Variants in ZNF469 observed in about 807,000 individuals in gnomAD.
ZNF469 encodes zinc finger protein 469.
A neutral mutation model predicts 1.0 loss-of-function variants in ZNF469; 1 was observed. The ratio of observed to expected loss-of-function variants is 1.00; its 90% CI spans 0.35 to 4.73. The LOEUF (loss-of-function observed/expected upper bound fraction) is 4.73, where lower values mean the gene tolerates loss of function less well. ZNF469 is among the 30% of genes most tolerant of loss of function. The probability of loss-of-function intolerance (pLI) is 0.16; values close to 1 mark genes in which losing one functional copy is unlikely to be tolerated. For synonymous variants in ZNF469, 2,703 were observed against 2,363.4 expected (o/e 1.14, Z -4.17); for missense variants, 6,100 against 5,356.3 (o/e 1.14, Z -4.33).
the ZNF469 span, among the ~76,000 whole-genome samples, chr16:88,111,529 C>A: frequency 3.3e-4 from 51 of 152,334 alleles, no homozygotes; most frequent in East Asian, 4.0e-3. Context: ...ACATCCCCCC[C>A]ACTTCCCTTC....
chr16:88,415,151 G>A (rs1253286110), intron 1 of ZNF469, among the ~76,000 whole-genome samples: 1 of 152,204 alleles, frequency 6.6e-6, no homozygotes, highest in East Asian at 1.9e-4. Flanking sequence ...CCACCTTGTG[G>A]GGCCTTGAGA....
chr16:88,122,293 GAT>G, the ZNF469 span, among the ~76,000 whole-genome samples: 14 of 149,484 alleles, frequency 9.4e-5, no homozygotes, highest in African/African-American at 3.0e-4. Flanking sequence ...CTACGGCCAC[GAT>G]GGCCCCTTGG....
the ZNF469 span, among the ~76,000 whole-genome samples, chr16:88,192,706 G>GTGT: frequency 1.1e-4 from 17 of 150,886 alleles, no homozygotes; most frequent in South Asian, 4.2e-4. Flanking sequence ...GGTGATAAAG[G>GTGT]TGATAATGGT....
At chr16:88,188,083 C>T in the ZNF469 span, among the ~76,000 whole-genome samples, 20 of 152,230 alleles carry the variant, frequency 1.3e-4, no homozygotes, top group African/African-American at 4.6e-4. Flanking sequence ...AGCTGATTCA[C>T]GCAGTTTCCA....
At chr16:88,370,987 G>A in the ZNF469 span, among the ~76,000 whole-genome samples, 3 of 152,246 alleles carry the variant, frequency 2.0e-5, no homozygotes, top group Non-Finnish European at 2.9e-5. Context: ...CATTCCTGTC[G>A]TCCAGCTCAC....
At chr16:88,422,441 TGGGTG>T (rs1905500670) in intron 1 of ZNF469, among the ~76,000 whole-genome samples, 1 of 76,596 alleles carries the variant, frequency 1.3e-5, no homozygotes, top group Admixed American at 1.7e-4. Flanking sequence ...GATGGGTGGG[TGGGTG>T]GATGGATGGG....
At chr16:88,205,112 C>A in the ZNF469 span, among the ~76,000 whole-genome samples, 1 of 152,178 alleles carries the variant, frequency 6.6e-6, no homozygotes, top group African/African-American at 2.4e-5. This position sits in a 1 kb window ranked among gnomAD's most constrained non-coding sequence, Gnocchi z 4.2. Context: ...CCCTGTACCC[C>A]AATATTTCAC....
Position 88,437,254 on chromosome 16 carries a change from G to T in ZNF469, c.9784G>T (p.Ala3262Ser), listed in dbSNP as rs886052418. Reference protein sequence around the residue: ...PGDPWGQEGEAKKDSPGERAK... With the variant: ...PGDPWGQEGESKKDSPGERAK... ...AGACCCGTGGGGGCAAGAGGGAGAA[G>T]CCAAGAAAGACAGCCCGGGCGAGAG... Residue 3262 changes from alanine (A) to serine (S), a missense_variant, in exon 3 of 3, where the codon GCC (alanine) becomes TCC (serine). Ala to Ser is a moderately conservative substitution (Grantham distance 99, BLOSUM62 1). Transcript: ENST00000565624. 165 of 1,548,888 alleles carry T rather than the reference G, an allele frequency of 1.1e-4. No individual in the cohort carries two copies. The East Asian group carries it at 4.0e-3, about 38-fold the overall frequency.
chr16:88,230,253 G>A, the ZNF469 span, among the ~76,000 whole-genome samples: 28 of 152,266 alleles, frequency 1.8e-4, no homozygotes, highest in South Asian at 4.1e-4. Flanking sequence ...TTCAGCTGGA[G>A]CCTGGAAACA....
the ZNF469 span, among the ~76,000 whole-genome samples, chr16:88,324,087 G>A: frequency 5.4e-3 from 815 of 152,326 alleles, 4 homozygotes; most frequent in Admixed American, 1.0e-2. Flanking sequence ...GAGATCCGCC[G>A]CAAAAATGGC....
rs114884145 is a variant in ZNF469, at chr16:88,436,164, C to T, written c.8694C>T (p.Gly2898=). 676 of 1,547,668 alleles carry T rather than the reference C, an allele frequency of 4.4e-4. 4 individuals are homozygous for T. In the African/African-American group the frequency reaches 8.2e-3, roughly 19 times the overall value. Residue 2898 remains glycine (G), a synonymous_variant, in exon 3 of 3, where the codon GGC becomes GGT. Coordinates refer to ENST00000565624, the MANE Select transcript of ZNF469 (RefSeq NM_001367624.2). ...PLPTQPSFEE[G]GDPTLGPARL... ...CAACCCAGCCCAGCTTTGAGGAGGG[C>T]GGTGACCCCACGCTGGGCCCAGCCC...
chr16:88,365,172 G>A, the ZNF469 span, among the ~76,000 whole-genome samples: 12 of 152,298 alleles, frequency 7.9e-5, no homozygotes, highest in East Asian at 2.1e-3. Context: ...GAGTAATCTC[G>A]AGCAGACCTC....
the ZNF469 span, among the ~76,000 whole-genome samples, chr16:88,315,596 G>C: frequency 6.6e-6 from 1 of 152,144 alleles, no homozygotes; most frequent in Non-Finnish European, 1.5e-5. Context: ...GAGCTCTCAG[G>C]CCTCCCTGTG....
the ZNF469 span, among the ~76,000 whole-genome samples, chr16:88,332,623 G>A: frequency 4.1e-4 from 63 of 152,368 alleles, no homozygotes; most frequent in African/African-American, 1.4e-3. Context: ...TAGGCCATGT[G>A]AGGCAGGGAG....
the ZNF469 span, among the ~76,000 whole-genome samples, chr16:88,249,028 C>G: frequency 1.3e-5 from 2 of 152,122 alleles, no homozygotes; most frequent in African/African-American, 2.4e-5. Flanking sequence ...CCCTGGCTGT[C>G]TCCCTCTCAC....
At chr16:88,251,766 C>G in the ZNF469 span, among the ~76,000 whole-genome samples, 366 of 151,902 alleles carry the variant, frequency 2.4e-3, 2 homozygotes, top group African/African-American at 8.3e-3. Flanking sequence ...ACCTTGTTGG[C>G]CAGGCTGGTC....
At chr16:88,145,628 G>T in the ZNF469 span, among the ~76,000 whole-genome samples, 1 of 152,230 alleles carries the variant, frequency 6.6e-6, no homozygotes, top group Admixed American at 6.5e-5. Context: ...CTCCTCTCTG[G>T]CTCCCCTAGG....
At chr16:88,413,205 C>T (rs1905220944) in intron 1 of ZNF469, among the ~76,000 whole-genome samples, 1 of 152,252 alleles carries the variant, frequency 6.6e-6, no homozygotes, top group South Asian at 2.1e-4. Flanking sequence ...CAGCTGCCAT[C>T]CCGTGTGCAC....
rs1906919125 is a variant in ZNF469 at position 88,440,415 on chromosome 16, G to A, written c.*1083G>A. On this transcript the variant is annotated 3_prime_UTR_variant, in exon 3 of 3. Coordinates refer to ENST00000565624, the MANE Select transcript of ZNF469 (RefSeq NM_001367624.2). ...ATGCACCGACCCAACCCAGGCCTGG[G>A]ACGCACGTGTCCTCTCACAGCGTCG... 6.6e-6 allele frequency: 1 copy of A among 152,122 alleles called. No homozygotes were observed. Among genetic ancestry groups the A allele is most frequent in the African/African-American group, 2.4e-5 (1 of 41,436 alleles). 9.4% of individuals were successfully genotyped at this position (152,122 alleles called of 1,614,324 possible).
Sources: allele counts gnomAD v4.1 joint callset (sites outside exome capture counted in the v4.1 genomes callset), GRCh38; gene constraint gnomAD v4.1.1; non-coding constraint Gnocchi (gnomAD v3.1); transcripts MANE v1.5; gene names NCBI Gene and HGNC (gene_info 2026-07-23, HGNC 2026-07-21).